The following ACACA variants were observed in gnomAD, a reference collection of about 807,000 sequenced individuals.
The protein encoded by ACACA is acetyl-CoA carboxylase alpha.
In ACACA, 103 loss-of-function variants were observed where a neutral mutation model predicts 296.1. That is an observed-to-expected ratio of 0.35 (90% confidence interval 0.30 to 0.41). ACACA has a LOEUF of 0.41. Ranked by LOEUF, ACACA falls within the 10% of genes least tolerant of loss-of-function variation. ACACA has a pLI of 1.00. For synonymous variants in ACACA, 953 were observed against 1,038.6 expected (o/e 0.92, Z 1.58); for missense variants, 1,554 against 2,989.7 (o/e 0.52, Z 11.20).
intron 29 of ACACA, 177 bp downstream of exon 29, chr17:37,221,547 T>A (rs1267239925): frequency 2.9e-6 from 2 of 685,360 alleles, no homozygotes; most frequent in Non-Finnish European, 5.4e-6. Flanking sequence ...GACCATAATT[T>A]TTCTCTTTAG....
At chr17:37,237,802 C>T (rs760283433) in intron 24 of ACACA, among the ~76,000 whole-genome samples, 18 of 152,234 alleles carry the variant, frequency 1.2e-4, no homozygotes, top group Middle Eastern at 3.4e-3. Context: ...GCTCTGTCAA[C>T]GGGGCTGGAG....
At chr17:37,163,687 T>C (rs931082474) in intron 41 of ACACA, among the ~76,000 whole-genome samples, 4 of 152,198 alleles carry the variant, frequency 2.6e-5, no homozygotes, top group South Asian at 2.1e-4. Context: ...ATGCTCAACA[T>C]TGCATCCTTG....
At chr17:37,139,524 T>C (rs536310125) in intron 45 of ACACA, among the ~76,000 whole-genome samples, 1 of 152,354 alleles carries the variant, frequency 6.6e-6, no homozygotes, top group East Asian at 1.9e-4. Flanking sequence ...TACCTAAGTC[T>C]ACATCACCTT....
At position 37,085,920 on chromosome 17, in the gene ACACA, G is replaced by A. The variant is rs151241736; in HGVS notation, c.*1396C>T. On this transcript the variant is annotated 3_prime_UTR_variant, in exon 56 of 56. Transcript: ENST00000616317. ...TGCAGTTAGCTGCACTAAAGGAACCGGATGCTACACCAGCCCTGATCACCT... is the reference window on the plus strand; with the variant it reads ...TGCAGTTAGCTGCACTAAAGGAACCAGATGCTACACCAGCCCTGATCACCT... The A allele has an allele frequency of 3.4e-4, 137 of 398,506 alleles. 1 individual carries two copies. The East Asian group carries it at 4.7e-3, about 14-fold the overall frequency. The allele number at this position is 398,506 out of a possible 1,614,324, so 24.7% of individuals were successfully genotyped here.
chr17:37,191,939 G>T (rs1598125434), intron 37 of ACACA, 151 bp downstream of exon 37: 1 of 758,956 alleles, frequency 1.3e-6, no homozygotes, highest in Non-Finnish European at 2.1e-6. Context: ...TGTAAACATT[G>T]AAATAGAACA....
intron 3 of ACACA, chr17:37,299,304 T>G: frequency 1.2e-6 from 2 of 1,614,088 alleles, no homozygotes; most frequent in South Asian, 1.1e-5. Context: ...ATATCTCATT[T>G]CCTTATTTTC....
At chr17:37,333,401 A>T (rs2047974734) in intron 2 of ACACA, among the ~76,000 whole-genome samples, 1 of 152,132 alleles carries the variant, frequency 6.6e-6, no homozygotes. Context: ...TATTGGAGCC[A>T]AAAGAGCCGC....
chr17:37,145,112 T>C (rs1189665355), intron 45 of ACACA, among the ~76,000 whole-genome samples: 4 of 152,100 alleles, frequency 2.6e-5, no homozygotes, highest in African/African-American at 7.2e-5. Context: ...ATGTTAAACA[T>C]ACTAATACTT....
chr17:37,171,385 T>C (rs2076877433), intron 41 of ACACA, among the ~76,000 whole-genome samples: 1 of 152,126 alleles, frequency 6.6e-6, no homozygotes, highest in Non-Finnish European at 1.5e-5. Flanking sequence ...TATAACAAAA[T>C]GTTACCTCTT....
chr17:37,305,594 TG>T (rs2083836081), intron 3 of ACACA, among the ~76,000 whole-genome samples: 1 of 152,256 alleles, frequency 6.6e-6, no homozygotes, highest in Admixed American at 6.5e-5. Flanking sequence ...GTCTCTTCTG[TG>T]CATGTACATG....
At chr17:37,271,126 G>GTTCAA (rs2082048000) in intron 9 of ACACA, among the ~76,000 whole-genome samples, 1 of 152,168 alleles carries the variant, frequency 6.6e-6, no homozygotes, top group Admixed American at 6.5e-5. Flanking sequence ...CTAAAGTAAT[G>GTTCAA]TCACATGGGT....
intron 50 of ACACA, among the ~76,000 whole-genome samples, chr17:37,115,820 AT>A (rs2143002665): frequency 6.6e-6 from 1 of 152,348 alleles, no homozygotes; most frequent in East Asian, 1.9e-4. Flanking sequence ...GAACATGATT[AT>A]ATATACACAC....
rs1351482877 is a variant in ACACA, at chr17:37,144,194, G to A, written c.5679+5670C>T. 5.5e-6 allele frequency: 4 copies of A among 732,626 alleles called. No individual in the cohort carries two copies. The East Asian group carries it at 7.6e-5, about 14-fold the overall frequency. 45.4% of individuals were successfully genotyped at this position (732,626 alleles called of 1,614,324 possible). On this transcript the variant is annotated intron_variant, in intron 45 of 55. Transcript: ENST00000616317. ...TTAGAAAACTGAGAAGTTGACTGAAGCATCTGGATGCTTCTTATGCTCCTC... is the reference window on the plus strand; with the variant it reads ...TTAGAAAACTGAGAAGTTGACTGAAACATCTGGATGCTTCTTATGCTCCTC...
intron 3 of ACACA, among the ~76,000 whole-genome samples, chr17:37,302,325 T>C (rs950733686): frequency 6.6e-6 from 1 of 151,828 alleles, no homozygotes; most frequent in African/African-American, 2.4e-5. Context: ...TTCTCCCGCC[T>C]CAGCCTCCCG....
intron 25 of ACACA, among the ~76,000 whole-genome samples, chr17:37,229,748 T>A (rs2145780308): frequency 6.6e-6 from 1 of 152,110 alleles, no homozygotes; most frequent in East Asian, 1.9e-4. Context: ...ACAGTATGTG[T>A]AAGAAAAGCG....
intron 1 of ACACA, among the ~76,000 whole-genome samples, chr17:37,371,731 C>A (rs2049813383): frequency 6.6e-6 from 1 of 151,526 alleles, no homozygotes; most frequent in Non-Finnish European, 1.5e-5. Context: ...GAAACCCCGT[C>A]TCTACTAAAA....
At chr17:37,234,942 C>T (rs752852773) in intron 25 of ACACA, 33 bp downstream of exon 25, 26 of 1,612,432 alleles carry the variant, frequency 1.6e-5, no homozygotes, top group South Asian at 3.3e-5. Context: ...ATATCATTGA[C>T]GGTCTTTACA....
At chr17:37,134,628 T>C (rs2017571) in intron 45 of ACACA, among the ~76,000 whole-genome samples, 28,248 of 152,190 alleles carry the variant, frequency 0.19, 3,271 homozygotes, top group East Asian at 0.46. Flanking sequence ...ATTCCTTCTC[T>C]TCCTCTTTAT....
intron 25 of ACACA, among the ~76,000 whole-genome samples, chr17:37,231,751 T>A (rs1278201887): frequency 6.6e-6 from 1 of 152,220 alleles, no homozygotes; most frequent in Non-Finnish European, 1.5e-5. Context: ...CTAGAAGATA[T>A]GTACATTGCC....
Sources: gnomAD v4.1 joint callset for allele counts (sites outside exome capture counted in the v4.1 genomes callset) on GRCh38, gnomAD v4.1.1 for gene constraint, MANE v1.5 for transcripts, NCBI Gene and HGNC (gene_info 2026-07-23, HGNC 2026-07-21) for gene names.